DAAM1: variants seen among roughly 807,000 people sequenced by gnomAD.
DAAM1 encodes the protein disheveled-associated activator of morphogenesis 1.
Under a neutral mutation model 130.0 loss-of-function variants are expected in DAAM1, and 52 were observed. The observed-to-expected ratio is 0.40, with a 90% CI of 0.32 to 0.50. DAAM1 has a LOEUF of 0.50. Among genes scored for constraint, DAAM1 ranks in the 20% least tolerant of loss-of-function variants. The pLI, the probability that DAAM1 is intolerant of heterozygous loss-of-function variation, is 0.61. For synonymous variants in DAAM1, 452 were observed against 444.5 expected, an observed-to-expected ratio of 1.02 and a Z score of -0.21; for missense variants, 1,134 against 1,303.8, an observed-to-expected ratio of 0.87 and a Z score of 2.01.
At chr14:59,361,471 A>G (rs1233020470) in intron 22 of DAAM1, among the ~76,000 whole-genome samples, 1 of 152,212 alleles carries the variant, frequency 6.6e-6, no homozygotes, top group Non-Finnish European at 1.5e-5. Flanking sequence ...ATGAGGAACA[A>G]TTGGCCCCTA....
intron 1 of DAAM1, among the ~76,000 whole-genome samples, chr14:59,251,848 T>C (rs555231160): frequency 6.6e-6 from 1 of 152,344 alleles, no homozygotes; most frequent in East Asian, 1.9e-4. Flanking sequence ...AGTTCCAGTT[T>C]TTATAATGTG....
At chr14:59,357,704 G>A (rs1323712964) in intron 20 of DAAM1, among the ~76,000 whole-genome samples, 2 of 152,038 alleles carry the variant, frequency 1.3e-5, no homozygotes, top group Non-Finnish European at 2.9e-5. Flanking sequence ...CTTGAACCCA[G>A]AAGGCAGAGG....
At chr14:59,363,591 GGT>G in intron 22 of DAAM1, 58 bp from the exon 23 acceptor site, 1 of 1,598,448 alleles carries the variant, frequency 6.3e-7, no homozygotes, top group Non-Finnish European at 8.6e-7. Flanking sequence ...TATGAGACGA[GGT>G]GTGTCTCATG....
chr14:59,334,412 C>A (rs545866181), intron 15 of DAAM1, among the ~76,000 whole-genome samples: 1 of 152,254 alleles, frequency 6.6e-6, no homozygotes, highest in African/African-American at 2.4e-5. Context: ...AATGAATACT[C>A]GGGATCTATT....
chr14:59,368,792 G>A lies in DAAM1; in HGVS notation c.3140G>A (p.Arg1047His), dbSNP rs138232345. ...DKDLSKLKRN[R>H]KRITNQMTDS... is the part of the protein sequence containing the mutation. The stretch of plus-strand genomic sequence containing the variant: ...GACCTTTCTAAATTGAAACGGAATC[G>A]CAAACGTATTACCAACCAGATGACT... Residue 1047 changes from arginine to histidine, a missense_variant, in exon 25 of 25, where the codon CGC becomes CAC. This residue lies in a region of DAAM1 where 644 missense variants were observed against 695.9 expected (regional missense o/e 0.93). Coordinates refer to ENST00000360909, the MANE Select transcript of DAAM1 (RefSeq NM_001270520.2). The A allele has an allele frequency of 7.4e-6, 12 of 1,613,930 alleles. No homozygotes were observed. Among genetic ancestry groups the A allele is most frequent in the Non-Finnish European group, 1.0e-5 (12 of 1,179,916 alleles).
At position 59,360,270 on chromosome 14, in the gene DAAM1, T is replaced by TA. The variant is rs199932148; in HGVS notation, c.2634-524dup. On this transcript the variant is annotated intron_variant, in intron 21 of 24. Coordinates refer to ENST00000360909, the MANE Select transcript of DAAM1 (RefSeq NM_001270520.2). ...GAGAAGCCCAAGAACCTTTCTCTATTAAAAAAAAGATGAAAATAAAAACTA... is the reference window on the plus strand; with the variant it reads ...GAGAAGCCCAAGAACCTTTCTCTATTAAAAAAAAAGATGAAAATAAAAACTA... Among the ~76,000 whole-genome samples, 148 of 152,182 alleles carry TA rather than the reference T, an allele frequency of 9.7e-4. 1 individual carries two copies. The highest frequency in any genetic ancestry group is 6.2e-3 in the Admixed American group (95 of 15,292).
intron 1 of DAAM1, among the ~76,000 whole-genome samples, chr14:59,212,946 T>C (rs1280220730): frequency 2.0e-5 from 3 of 152,286 alleles, no homozygotes; most frequent in East Asian, 1.9e-4. Context: ...TATAAATTCA[T>C]TGGAAAAATA....
At chr14:59,358,828 C>A (rs1303232895) in intron 20 of DAAM1, among the ~76,000 whole-genome samples, 3 of 114,376 alleles carry the variant, frequency 2.6e-5, no homozygotes, top group Middle Eastern at 3.7e-3. Flanking sequence ...GGGCAACAGA[C>A]CCCATCTCAA....
intron 1 of DAAM1, among the ~76,000 whole-genome samples, chr14:59,216,351 C>T (rs1888579434): frequency 6.6e-6 from 1 of 152,166 alleles, no homozygotes; most frequent in South Asian, 2.1e-4. Context: ...TTTTGGACAG[C>T]TGCCTGTTTA....
At chr14:59,343,375 C>T (rs552260574) in intron 16 of DAAM1, among the ~76,000 whole-genome samples, 1 of 152,128 alleles carries the variant, frequency 6.6e-6, no homozygotes, top group Non-Finnish European at 1.5e-5. Flanking sequence ...ATGAAGAAGC[C>T]CTTGAAGGCT....
intron 1 of DAAM1, among the ~76,000 whole-genome samples, chr14:59,212,351 G>C (rs572722319): frequency 1.2e-4 from 18 of 152,260 alleles, no homozygotes; most frequent in African/African-American, 4.1e-4. Flanking sequence ...TATACTATCA[G>C]TTGTCACAAG....
chr14:59,286,030 A>T (rs1883437317), intron 2 of DAAM1, among the ~76,000 whole-genome samples: 1 of 152,124 alleles, frequency 6.6e-6, no homozygotes, highest in Admixed American at 6.6e-5. Flanking sequence ...CCATAAAACA[A>T]ATCTCAGCAA....
intron 16 of DAAM1, among the ~76,000 whole-genome samples, chr14:59,347,266 A>T (rs1886120457): frequency 2.0e-5 from 3 of 152,156 alleles, no homozygotes; most frequent in Admixed American, 2.0e-4. Context: ...ATTTTCCCTA[A>T]TTCTAATCTT....
intron 2 of DAAM1, among the ~76,000 whole-genome samples, chr14:59,287,429 G>GC (rs1883511438): frequency 6.6e-6 from 1 of 152,198 alleles, no homozygotes; most frequent in South Asian, 2.1e-4. Flanking sequence ...GGAATTGCTA[G>GC]CCAGAGCAAA....
chr14:59,362,711 G>A (rs567137711), intron 22 of DAAM1: 1 of 152,156 alleles, frequency 6.6e-6, no homozygotes, highest in South Asian at 2.1e-4. Flanking sequence ...CAGTGGTAGA[G>A]CTGAGTCAGA....
intron 1 of DAAM1, among the ~76,000 whole-genome samples, chr14:59,242,708 G>A (rs141438092): frequency 0.021 from 3,122 of 152,056 alleles, 64 homozygotes; most frequent in Non-Finnish European, 0.027. Context: ...ACAGGCACCC[G>A]CCACCACGCC....
chr14:59,210,167 C>T (rs1888385273), intron 1 of DAAM1, among the ~76,000 whole-genome samples: 1 of 151,986 alleles, frequency 6.6e-6, no homozygotes, highest in Non-Finnish European at 1.5e-5. Context: ...AAAAAACCAA[C>T]CAAAACCAAA....
At chr14:59,249,389 A>G (rs185159487) in intron 1 of DAAM1, among the ~76,000 whole-genome samples, 1 of 152,356 alleles carries the variant, frequency 6.6e-6, no homozygotes, top group Admixed American at 6.5e-5. Flanking sequence ...TTCCAAAATA[A>G]TGGCAATTTT....
At chr14:59,242,597 C>G (rs558828941) in intron 1 of DAAM1, among the ~76,000 whole-genome samples, 46 of 152,246 alleles carry the variant, frequency 3.0e-4, no homozygotes, top group Non-Finnish European at 5.7e-4. Context: ...CTCGCTCTAT[C>G]CCCCAGGCTG....
Sources: gnomAD v4.1 joint callset for allele counts (sites outside exome capture counted in the v4.1 genomes callset) on GRCh38, gnomAD v4.1.1 for gene constraint, gnomAD v4.1.1 regional missense constraint, MANE v1.5 for transcripts, NCBI Gene and HGNC (gene_info 2026-07-23, HGNC 2026-07-21) for gene names.